Variants in OR51B5 observed in about 807,000 individuals in gnomAD.
The protein encoded by OR51B5 is olfactory receptor family 51 subfamily B member 5, also known as olfactory receptor 51B5.
For synonymous variants in OR51B5, 186 were observed against 144.8 expected, an observed-to-expected ratio of 1.28 and a Z score of -2.04; for missense variants, 456 against 374.6, an observed-to-expected ratio of 1.22 and a Z score of -1.79.
At chr11:5,446,785 T>C (rs957250828) in intron 1 of OR51B5, among the ~76,000 whole-genome samples, 3 of 152,196 alleles carry the variant, frequency 2.0e-5, no homozygotes, top group Non-Finnish European at 2.9e-5. Context: ...CACAGAAACA[T>C]GCAGAGCCAA....
At chr11:5,400,269 A>C (rs1052286313) in intron 1 of OR51B5, among the ~76,000 whole-genome samples, 1 of 151,908 alleles carries the variant, frequency 6.6e-6, no homozygotes, top group African/African-American at 2.4e-5. Flanking sequence ...TCTTGTATTT[A>C]GTCTATTTAG....
chr11:5,433,191 CAAA>C (rs1354713615), intron 1 of OR51B5, among the ~76,000 whole-genome samples: 1 of 151,950 alleles, frequency 6.6e-6, no homozygotes, highest in Non-Finnish European at 1.5e-5. Context: ...AGAATATATG[CAAA>C]GATGAAAACA....
At chr11:5,456,028 A>T (rs1850953860) in intron 1 of OR51B5, 1 of 152,212 alleles carries the variant, frequency 6.6e-6, no homozygotes, top group Admixed American at 6.5e-5. Context: ...CTATTTCAAC[A>T]TGAAATAATA....
chr11:5,390,073 C>T (rs747067936), intron 1 of OR51B5: 2 of 1,613,718 alleles, frequency 1.2e-6, no homozygotes, highest in East Asian at 2.2e-5. Flanking sequence ...ACCTGGTGCT[C>T]ATCGCACTGT....
chr11:5,373,173 A>G (rs905057118), intron 1 of OR51B5, among the ~76,000 whole-genome samples: 1 of 151,508 alleles, frequency 6.6e-6, no homozygotes. Flanking sequence ...AAAATAGATT[A>G]AAGACATAAA....
At chr11:5,400,385 TTTTA>T (rs777574077) in intron 1 of OR51B5, among the ~76,000 whole-genome samples, 1 of 152,194 alleles carries the variant, frequency 6.6e-6, no homozygotes, top group Non-Finnish European at 1.5e-5. Context: ...TTTCTCCATA[TTTTA>T]TTTTAGTTTT....
intron 1 of OR51B5, among the ~76,000 whole-genome samples, chr11:5,379,380 C>G (rs1849576365): frequency 2.0e-5 from 3 of 151,836 alleles, no homozygotes; most frequent in Admixed American, 2.0e-4. Flanking sequence ...TTAATGGGTG[C>G]AGCACACCAA....
At chr11:5,430,680 C>T (rs1203163285) in intron 1 of OR51B5, 1 of 455,146 alleles carries the variant, frequency 2.2e-6, no homozygotes, top group African/African-American at 2.0e-5. Context: ...TGCAGGAAAA[C>T]AAGGTGAGAA....
At chr11:5,389,866 A>G in intron 1 of OR51B5, 1 of 1,613,652 alleles carries the variant, frequency 6.2e-7, no homozygotes, top group South Asian at 1.1e-5. Flanking sequence ...TGGTCAGAGC[A>G]GGCCTAATTG....
chr11:5,485,895 T>A (rs454727), intron 1 of OR51B5, among the ~76,000 whole-genome samples: 146,478 of 152,214 alleles, frequency 0.96, 70,507 homozygotes, highest in South Asian at 0.99. Context: ...CTGTATTTAA[T>A]GATAAGATCT....
exon 1 of OR51B5, chr11:5,505,573 C>A: frequency 1.0e-6 from 1 of 960,684 alleles, no homozygotes; most frequent in Non-Finnish European, 1.4e-6. Context: ...ACTTACAGTT[C>A]CACATAGCTG....
intron 1 of OR51B5, among the ~76,000 whole-genome samples, chr11:5,418,284 T>C (rs10838080): frequency 0.42 from 63,002 of 151,464 alleles, 13,861 homozygotes; most frequent in Non-Finnish European, 0.5. Context: ...AGGGATAGCA[T>C]TGGGAGATAT....
chr11:5,440,836 TG>T (rs867920720), intron 1 of OR51B5: 7 of 1,613,878 alleles, frequency 4.3e-6, no homozygotes, highest in Non-Finnish European at 5.9e-6. Context: ...ATGACCAGCA[TG>T]GCTCTCAGGA....
intron 1 of OR51B5, among the ~76,000 whole-genome samples, chr11:5,466,305 T>C (rs746641842): frequency 5.5e-4 from 84 of 152,226 alleles, no homozygotes; most frequent in Non-Finnish European, 8.5e-4. Context: ...ACTATATCTA[T>C]ATTTACATAT....
intron 1 of OR51B5, among the ~76,000 whole-genome samples, chr11:5,459,218 T>A (rs1490466643): frequency 6.6e-6 from 1 of 152,204 alleles, no homozygotes; most frequent in East Asian, 1.9e-4. Flanking sequence ...GGTTACATGG[T>A]CTTTGCTTTT....
At chr11:5,471,970 A>G (rs1168807934) in intron 1 of OR51B5, among the ~76,000 whole-genome samples, 3 of 152,200 alleles carry the variant, frequency 2.0e-5, no homozygotes, top group African/African-American at 7.2e-5. Context: ...AAAGTTCCGG[A>G]TCCCATCTCC....
chr11:5,406,808 AT>A (rs1182363364), intron 1 of OR51B5, among the ~76,000 whole-genome samples: 1 of 152,050 alleles, frequency 6.6e-6, no homozygotes, highest in Non-Finnish European at 1.5e-5. Context: ...ATTTATTGAG[AT>A]TTTTTCCCTT....
intron 1 of OR51B5, chr11:5,389,433 T>C: frequency 6.2e-7 from 1 of 1,613,968 alleles, no homozygotes; most frequent in East Asian, 2.2e-5. Flanking sequence ...CCTCAATTCA[T>C]GCTGCTATCC....
intron 1 of OR51B5, among the ~76,000 whole-genome samples, chr11:5,408,825 GA>G: frequency 6.6e-6 from 1 of 152,176 alleles, no homozygotes; most frequent in South Asian, 2.1e-4. Context: ...GTTATCAAAG[GA>G]AAATTTCCCC....
Sources: gnomAD v4.1 joint callset for allele counts (sites outside exome capture counted in the v4.1 genomes callset) on GRCh38, gnomAD v4.1.1 for gene constraint, MANE v1.5 for transcripts, NCBI Gene and HGNC (gene_info 2026-07-23, HGNC 2026-07-21) for gene names.